MYO1C: variants seen among roughly 807,000 people sequenced by gnomAD.
The protein encoded by MYO1C is unconventional myosin-Ic.
A neutral mutation model predicts 150.8 loss-of-function variants in MYO1C; 104 were observed. The ratio of observed to expected loss-of-function variants is 0.69; its 90% CI spans 0.59 to 0.81. The LOEUF (loss-of-function observed/expected upper bound fraction) is 0.81. Among genes scored for constraint, MYO1C ranks in the 30% least tolerant of loss-of-function variants. The probability of loss-of-function intolerance (pLI) is 0.00; values close to 1 mark genes in which losing one functional copy is unlikely to be tolerated. For missense variants in MYO1C, 1,504 were observed against 1,435.0 expected, an observed-to-expected ratio of 1.05 and a Z score of -0.78; for synonymous variants, 663 against 579.9, an observed-to-expected ratio of 1.14 and a Z score of -2.06.
At chr17:1,476,989 C>T (rs1194300314) in intron 14 of MYO1C, among the ~76,000 whole-genome samples, 1 of 151,852 alleles carries the variant, frequency 6.6e-6, no homozygotes. Flanking sequence ...TAGGCACCTG[C>T]CACCACACCC....
chr17:1,478,180 G>A lies in MYO1C; in HGVS notation c.1308C>T (p.Phe436=), dbSNP rs2074439777. 6.2e-7 allele frequency: 1 copy of A among 1,613,748 alleles called. No homozygotes were observed. The highest frequency in any genetic ancestry group is 8.5e-7 in the Non-Finnish European group (1 of 1,179,950). Residue 436 remains phenylalanine, a synonymous_variant, in exon 12 of 32, where the codon TTC becomes TTT. Transcript: ENST00000648651. The surrounding 1 kb of genome is among the most constrained non-coding windows in gnomAD (Gnocchi z 6.3). ...GCTTCTCGTTGCAGTAATTGATGCA[G>A]AACTGCTCAAAGCTGTAAGGAAGGA... ...EVFQHNSFEQ[F]CINYCNEKLQ...
chr17:1,470,685 T>C lies in MYO1C; in HGVS notation c.2217A>G (p.Thr739=), dbSNP rs1486929910. The C allele has an allele frequency of 3.1e-6, 5 of 1,604,764 alleles. No individual in the cohort carries two copies. The highest frequency in any genetic ancestry group is 4.2e-6 in the Non-Finnish European group (5 of 1,179,418). Residue 739 remains threonine (T), a synonymous_variant, in exon 22 of 32, where the codon ACA becomes ACG. Coordinates refer to ENST00000648651, the MANE Select transcript of MYO1C (RefSeq NM_001080779.2). The stretch of plus-strand genomic sequence containing the variant: ...AGCCCCTCCAGGCAGCTTGGATCTT[T>C]GTGGCTGCGGTTGGGAAAGAAAGGC... The part of the protein sequence containing the change: ...ALEVRRQSLA[T]KIQAAWRGFH...
chr17:1,489,237 G>A (rs967078785), intron 1 of MYO1C, among the ~76,000 whole-genome samples: 3 of 152,236 alleles, frequency 2.0e-5, no homozygotes, highest in African/African-American at 7.2e-5. Flanking sequence ...GAATTGTTGT[G>A]AAGGGAAATG....
At position 1,468,252 on chromosome 17, in the gene MYO1C, C is replaced by A; in HGVS notation, c.2760+1G>T. ...ACTCAGGGCTGCAGGCAGGCTCTTACCTGAATGGGCTCAGAGCCCAAGGCC... is the reference window on the plus strand; with the variant it reads ...ACTCAGGGCTGCAGGCAGGCTCTTAACTGAATGGGCTCAGAGCCCAAGGCC... On this transcript the variant is annotated splice_donor_variant, in intron 27 of 31. Transcript: ENST00000648651. LOFTEE classifies it high-confidence loss of function. 6.2e-7 allele frequency: 1 copy of A among 1,613,512 alleles called. No homozygotes were observed. The highest frequency in any genetic ancestry group is 8.5e-7 in the Non-Finnish European group (1 of 1,179,978).
Position 1,477,985 on chromosome 17 carries a change from G to T in MYO1C, c.1402-14C>A, listed in dbSNP as rs1018798511. ...GACGGGCTCCCACTGAGGGGCAGAA[G>T]GGAAGGAAGGGATCACCGTGGGGTC... is the stretch of plus-strand genomic sequence containing the variant. On this transcript the variant is annotated splice_polypyrimidine_tract_variant and intron_variant, in intron 12 of 31. Coordinates refer to ENST00000648651, the MANE Select transcript of MYO1C (RefSeq NM_001080779.2). 5.0e-6 allele frequency: 8 copies of T among 1,613,744 alleles called. No individual in the cohort carries two copies. The highest frequency in any genetic ancestry group is 1.6e-4 in the Middle Eastern group (1 of 6,082).
Position 1,467,557 on chromosome 17 carries a change from ACT to A in MYO1C, c.2986_2987del (p.Ser996Ter). On this transcript the variant is annotated frameshift_variant, in exon 30 of 32. Transcript: ENST00000648651. LOFTEE classifies it high-confidence loss of function. ...TGGTCAGCGTCTCAATCACGTGGTC[ACT>A]CTGCAGCACCACATCTCCCTGGGGG... Reference protein sequence around the residue: ...NKQKGDVVLQSDHVIETLTKT... With the variant: ...NKQKGDVVLQXDHVIETLTKT... 1 of 1,613,070 alleles carries A rather than the reference ACT, an allele frequency of 6.2e-7. No individual in the cohort carries two copies. Among genetic ancestry groups the A allele is most frequent in the Middle Eastern group, 1.7e-4 (1 of 6,054 alleles).
rs200777905 is a variant in MYO1C at position 1,468,325 on chromosome 17, G to A, written c.2705-17C>T. 1,639 of 1,614,056 alleles carry A rather than the reference G, an allele frequency of 1.0e-3. 20 individuals carry two copies. The highest frequency in any genetic ancestry group is 2.6e-4 in the Non-Finnish European group (304 of 1,179,990). The stretch of plus-strand genomic sequence containing the variant: ...CATCTGTACCTGCAACTCAGATGGC[G>A]GGGAGGGAAGTCAGTGGAGGCAATG... On this transcript the variant is annotated splice_polypyrimidine_tract_variant and intron_variant, in intron 26 of 31. Transcript: ENST00000648651.
intron 1 of MYO1C, chr17:1,491,682 C>T: frequency 2.0e-6 from 2 of 978,948 alleles, no homozygotes; most frequent in Non-Finnish European, 2.4e-6. Flanking sequence ...GCACTCTCCC[C>T]GCCCAGGGCC....
At chr17:1,469,691 C>G (rs976868208) in intron 24 of MYO1C, 77 bp from the exon 25 acceptor site, 1 of 1,211,124 alleles carries the variant, frequency 8.3e-7, no homozygotes, top group African/African-American at 1.5e-5. Context: ...TATGCTACTG[C>G]ATCCTTTGGA....
chr17:1,484,698 T>A, intron 1 of MYO1C: 2 of 387,664 alleles, frequency 5.2e-6, no homozygotes, highest in East Asian at 6.2e-5. Context: ...GCAGAAAGAC[T>A]GCTCTGTTGA....
In MYO1C at chr17:1,480,635, G is replaced by A; in HGVS notation, c.808-10C>T. ...CTTTGGCACACTGGCCCTGGAGGAAGGGCACAGCTGGGTTGCCAGCCCTGG... is the reference window on the plus strand; with the variant it reads ...CTTTGGCACACTGGCCCTGGAGGAAAGGCACAGCTGGGTTGCCAGCCCTGG... On this transcript the variant is annotated splice_polypyrimidine_tract_variant and intron_variant, in intron 6 of 31. Transcript: ENST00000648651. 6.2e-7 allele frequency: 1 copy of A among 1,614,044 alleles called. No homozygotes were observed. The highest frequency in any genetic ancestry group is 8.5e-7 in the Non-Finnish European group (1 of 1,179,968).
At chr17:1,489,078 A>G (rs2074701541) in intron 1 of MYO1C, among the ~76,000 whole-genome samples, 1 of 152,210 alleles carries the variant, frequency 6.6e-6, no homozygotes, top group East Asian at 1.9e-4. Context: ...GACTGCTGCT[A>G]TAAACCGATG....
chr17:1,468,511 G>T lies in MYO1C; in HGVS notation c.2611-15C>A. 3 of 1,606,758 alleles carry T rather than the reference G, an allele frequency of 1.9e-6. No homozygotes were observed. The highest frequency in any genetic ancestry group is 1.1e-5 in the South Asian group (1 of 90,938). On this transcript the variant is annotated splice_polypyrimidine_tract_variant and intron_variant, in intron 25 of 31. Coordinates refer to ENST00000648651, the MANE Select transcript of MYO1C (RefSeq NM_001080779.2). Reference sequence around the variant, plus strand: ...TTCTGCTGCAGCTGAGGAGACAAGGGGGGTGAGGAGAGTGTCATGGTGGGG... The same window carrying T: ...TTCTGCTGCAGCTGAGGAGACAAGGTGGGTGAGGAGAGTGTCATGGTGGGG...
At chr17:1,487,403 G>A (rs1413476311) in intron 1 of MYO1C, among the ~76,000 whole-genome samples, 1 of 152,238 alleles carries the variant, frequency 6.6e-6, no homozygotes, top group Admixed American at 6.5e-5. Context: ...CGCGGACCCC[G>A]CTCCCTGGGG....
Position 1,470,342 on chromosome 17 carries a change from G to A in MYO1C, c.2367-8C>T, listed in dbSNP as rs186634227. 2.1e-5 allele frequency: 33 copies of A among 1,534,912 alleles called. 1 individual carries two copies. In the Middle Eastern group the frequency reaches 3.9e-3, roughly 181 times the overall value. On this transcript the variant is annotated splice_region_variant and splice_polypyrimidine_tract_variant and intron_variant, in intron 23 of 31. Transcript: ENST00000648651. ...ACGAAGCCTCGGATGAGCCTGGGGTGGGGGGCCAGACAGGGTTGGGGGTGA... is the reference window on the plus strand; with the variant it reads ...ACGAAGCCTCGGATGAGCCTGGGGTAGGGGGCCAGACAGGGTTGGGGGTGA...
intron 14 of MYO1C, among the ~76,000 whole-genome samples, chr17:1,476,506 A>G (rs1275326233): frequency 3.3e-5 from 5 of 152,172 alleles, no homozygotes; most frequent in Non-Finnish European, 5.9e-5. Flanking sequence ...TATTATGCAA[A>G]AAATACTCAT....
intron 25 of MYO1C, 113 bp from the exon 26 acceptor site, chr17:1,468,609 T>C (rs2074232507): frequency 2.4e-6 from 2 of 834,894 alleles, no homozygotes; most frequent in Non-Finnish European, 4.0e-6. Flanking sequence ...CTGGTCCCTC[T>C]CTGGCTCAGC....
At chr17:1,471,485 G>T (rs562967000) in intron 19 of MYO1C, 149 bp from the exon 20 acceptor site, 2 of 721,816 alleles carry the variant, frequency 2.8e-6, no homozygotes, top group African/African-American at 1.7e-5. Flanking sequence ...CCATTTTAAA[G>T]ATGAAGAAAC....
In MYO1C at chr17:1,484,082, C is replaced by G. The variant is rs911990319; in HGVS notation, c.231+66G>C. ...TTTATCCCGGTGACCCTTGGTGTCTCTTTCCCCTCCGCTTGCCTGTGTCTG... is the reference window on the plus strand; with the variant it reads ...TTTATCCCGGTGACCCTTGGTGTCTGTTTCCCCTCCGCTTGCCTGTGTCTG... On this transcript the variant is annotated intron_variant, in intron 2 of 31. Transcript: ENST00000648651. 3 of 1,583,660 alleles carry G rather than the reference C, an allele frequency of 1.9e-6. No homozygotes were observed. The African/African-American group carries it at 4.0e-5, about 21-fold the overall frequency.
Sources: allele counts gnomAD v4.1 joint callset (sites outside exome capture counted in the v4.1 genomes callset), GRCh38; gene constraint gnomAD v4.1.1; non-coding constraint Gnocchi (gnomAD v3.1); transcripts MANE v1.5; gene names NCBI Gene and HGNC (gene_info 2026-07-23, HGNC 2026-07-21).